Variants in PKHD1L1 observed in about 807,000 individuals in gnomAD.
PKHD1L1 encodes fibrocystin-L.
Under a neutral mutation model 462.9 loss-of-function variants are expected in PKHD1L1, and 434 were observed. The ratio of observed to expected loss-of-function variants is 0.94; its 90% confidence interval spans 0.87 to 1.02. PKHD1L1 has a LOEUF of 1.02. Ranked by LOEUF, PKHD1L1 falls within the 50% of genes least tolerant of loss-of-function variation. The pLI is 0.00. For synonymous variants in PKHD1L1, 1,781 were observed against 1,750.0 expected (o/e 1.02, Z -0.44); for missense variants, 5,202 against 5,096.1 (o/e 1.02, Z -0.63).
chr8:109,444,725 T>C lies in PKHD1L1; in HGVS notation c.4856T>C (p.Ile1619Thr), dbSNP rs748372724. ...AGTGAGGATTCAATTACATGTCATA[T>C]TGACCCTCAAAACTCAATGGATGTT... The part of the protein sequence containing the change: ...ESSEDSITCH[I>T]DPQNSMDVGI... The change falls in exon 38 of 78, where the codon ATT becomes ACT. Residue 1619 changes from isoleucine to threonine, a missense_variant. This residue lies in a region of PKHD1L1 where 4,497 missense variants were observed against 4,336.8 expected (regional missense o/e 1.04). Coordinates refer to ENST00000378402, the MANE Select transcript of PKHD1L1 (RefSeq NM_177531.6). 4 of 1,613,974 alleles carry C rather than the reference T, an allele frequency of 2.5e-6. No homozygotes were observed. The highest frequency in any genetic ancestry group is 3.4e-6 in the Non-Finnish European group (4 of 1,179,840).
chr8:109,501,864 T>C (rs151287598), intron 67 of PKHD1L1, among the ~76,000 whole-genome samples: 2 of 152,262 alleles, frequency 1.3e-5, no homozygotes, highest in Non-Finnish European at 2.9e-5. Flanking sequence ...CATTTTGACA[T>C]GTCTATCCAC....
chr8:109,401,827 T>C (rs1187825471), intron 14 of PKHD1L1, among the ~76,000 whole-genome samples: 1 of 152,132 alleles, frequency 6.6e-6, no homozygotes, highest in Non-Finnish European at 1.5e-5. Flanking sequence ...AATTATACTT[T>C]TGTGAAATGT....
At position 109,420,766 on chromosome 8, in the gene PKHD1L1, T is replaced by C. The variant is rs1193758830; in HGVS notation, c.2697+76T>C. ...TTTTTTTAAATAACCAACATACAGA[T>C]GGAATATTTTAACAGGAAAAGACAG... On this transcript the variant is annotated intron_variant, in intron 23 of 77. Coordinates refer to ENST00000378402, the MANE Select transcript of PKHD1L1 (RefSeq NM_177531.6). 3 of 1,128,594 alleles carry C rather than the reference T, an allele frequency of 2.7e-6. No homozygotes were observed. In the African/African-American group the frequency reaches 4.9e-5, roughly 18 times the overall value. The allele number at this position is 1,128,594 out of a possible 1,614,324, so 69.9% of individuals were successfully genotyped here. A position where few individuals can be genotyped will look rare whatever the true frequency, so the allele number is the denominator to read the frequency against.
rs1306462585 is a variant in PKHD1L1, at chr8:109,533,503, C to T, written c.*3413C>T. ...TAGAATTATTGGCTGGGCACTGGGC[C>T]ACCTAGAACAAAGACAATTTCCCAG... On this transcript the variant is annotated 3_prime_UTR_variant, in exon 78 of 78. Coordinates refer to ENST00000378402, the MANE Select transcript of PKHD1L1 (RefSeq NM_177531.6). Among the ~76,000 whole-genome samples the T allele has an allele frequency of 2.0e-5, 3 of 152,180 alleles. No homozygotes were observed. The highest frequency in any genetic ancestry group is 7.2e-5 in the African/African-American group (3 of 41,442).
Position 109,493,671 on chromosome 8 carries a change from G to T in PKHD1L1, c.10247G>T (p.Gly3416Val), listed in dbSNP as rs377202677. The stretch of plus-strand genomic sequence containing the variant: ...TAATCATTGCACTAGATAAATAGAG[G>T]GACCAATACAGTTTTACAGAATAAT... ...LWHAAIEINR[G>V]TNTVLQNNVV... is the part of the protein sequence containing the mutation. Residue 3416 changes from glycine to valine, a missense_variant, in exon 63 of 78, where the codon GGG (glycine) becomes GTG (valine). Transcript: ENST00000378402. The T allele has an allele frequency of 3.1e-6, 5 of 1,598,380 alleles. No individual in the cohort carries two copies. The highest frequency in any genetic ancestry group is 1.7e-5 in the Admixed American group (1 of 57,784).
At chr8:109,432,196 CT>C (rs1343155145) in intron 27 of PKHD1L1, among the ~76,000 whole-genome samples, 1 of 151,934 alleles carries the variant, frequency 6.6e-6, no homozygotes, top group Non-Finnish European at 1.5e-5. Context: ...TTTACCAATC[CT>C]TTGCACATGG....
Position 109,443,109 on chromosome 8 carries a change from T to A in PKHD1L1, c.4557T>A (p.Tyr1519Ter). The part of the protein sequence containing the change: ...HLFVGRSEAT[Y>*]AYGGPENLHL... ...TTGTGGGTCGCTCTGAAGCCACATA[T>A]GCTTATGGTAAGATGGTTAAAGATG... Residue 1519 changes from tyrosine to a stop codon, truncating the protein, a stop_gained, in exon 36 of 78, where the codon TAT (tyrosine) becomes TAA (stop). Transcript: ENST00000378402. LOFTEE classifies it high-confidence loss of function. The A allele has an allele frequency of 6.2e-7, 1 of 1,613,194 alleles. No homozygotes were observed. Among genetic ancestry groups the A allele is most frequent in the Non-Finnish European group, 8.5e-7 (1 of 1,179,372 alleles).
Position 109,504,445 on chromosome 8 carries a change from T to C in PKHD1L1, c.10947T>C (p.Val3649=). 6.4e-7 allele frequency: 1 copy of C among 1,556,996 alleles called. No homozygotes were observed. The highest frequency in any genetic ancestry group is 8.7e-7 in the Non-Finnish European group (1 of 1,143,912). Residue 3649 remains valine, a synonymous_variant, in exon 68 of 78, where the codon GTT becomes GTC. Coordinates refer to ENST00000378402, the MANE Select transcript of PKHD1L1 (RefSeq NM_177531.6). ...HPIHVKNIKL[V]DTTEQSKIFI... is the part of the protein sequence containing the mutation. ...TCCATGTGAAGAATATAAAACTGGT[T>C]GATACCACTGAACAATCAAAAATAT...
rs776241929 is a variant in PKHD1L1, at chr8:109,475,239, T to G, written c.8727T>G (p.Ile2909Met). ...YFKGVDHITN[I>M]SYTSTFYGFK... ...AAGGTGTGGATCACATAACCAACAT[T>G]TCATATACATCGACATTCTATGGAT... Residue 2909 changes from isoleucine to methionine, a missense_variant, in exon 51 of 78, where the codon ATT becomes ATG. Physicochemically the swap from Ile to Met is conservative, Grantham distance 10. Around this residue, in one of 3 missense-constraint regions of PKHD1L1, gnomAD observed 4,497 missense variants for 4,336.8 expected, o/e 1.04. Transcript: ENST00000378402. 1.4e-5 allele frequency: 23 copies of G among 1,609,250 alleles called. No individual in the cohort carries two copies. The highest frequency in any genetic ancestry group is 1.9e-5 in the Non-Finnish European group (22 of 1,177,188).
chr8:109,384,799 T>A (rs910825491), intron 5 of PKHD1L1, among the ~76,000 whole-genome samples: 1 of 152,144 alleles, frequency 6.6e-6, no homozygotes, highest in African/African-American at 2.4e-5. Flanking sequence ...CTTTAATTTA[T>A]GTAATTAAAC....
rs542870853 is a variant in PKHD1L1, at chr8:109,437,433, G to A, written c.3628-891G>A. ...ATGTATACATGTGCCATGTTGGTGT[G>A]CTGCACCCATTAACTTGTCATTTAA... On this transcript the variant is annotated intron_variant, in intron 30 of 77. Transcript: ENST00000378402. Among the ~76,000 whole-genome samples the A allele has an allele frequency of 4.6e-5, 7 of 151,694 alleles. No individual in the cohort carries two copies. The South Asian group carries it at 1.5e-3, about 32-fold the overall frequency.
At chr8:109,521,815 C>T (rs1291960110) in intron 73 of PKHD1L1, among the ~76,000 whole-genome samples, 1 of 152,092 alleles carries the variant, frequency 6.6e-6, no homozygotes, top group Non-Finnish European at 1.5e-5. Flanking sequence ...AAAATTAACA[C>T]TTTATTTTTT....
intron 19 of PKHD1L1, 107 bp from the exon 20 acceptor site, chr8:109,412,158 G>C: frequency 1.9e-6 from 2 of 1,064,080 alleles, no homozygotes; most frequent in South Asian, 1.9e-5. Flanking sequence ...AAGTAATCAG[G>C]GAAACAATGG....
rs1185637409 is a variant in PKHD1L1, at chr8:109,495,697, A to G, written c.10328-1222A>G. 2.0e-5 allele frequency among the ~76,000 whole-genome samples: 3 copies of G among 152,162 alleles called. No homozygotes were observed. The East Asian group carries it at 5.8e-4, about 29-fold the overall frequency. On this transcript the variant is annotated intron_variant, in intron 63 of 77. Coordinates refer to ENST00000378402, the MANE Select transcript of PKHD1L1 (RefSeq NM_177531.6). ...ATGCAGGAAAATTATCAAAACCAGG[A>G]AAATCATAAATAAAATGTAAAACCC...
intron 50 of PKHD1L1, chr8:109,470,909 T>C: frequency 6.3e-7 from 1 of 1,585,342 alleles, no homozygotes; most frequent in Non-Finnish European, 8.6e-7. Context: ...ATGGGAAGCC[T>C]GGGGAGAGAG....
chr8:109,398,403 G>A, intron 11 of PKHD1L1, 56 bp from the exon 12 acceptor site: 1 of 1,098,642 alleles, frequency 9.1e-7, no homozygotes, highest in Non-Finnish European at 1.4e-6. Flanking sequence ...ATACACTGAT[G>A]TGATTTGCAT....
At chr8:109,389,499 AGTGTGT>A (rs55680302) in intron 8 of PKHD1L1, among the ~76,000 whole-genome samples, 13,005 of 140,734 alleles carry the variant, frequency 0.092, 947 homozygotes, top group African/African-American at 0.2. Context: ...ATCTTTTAAG[AGTGTGT>A]GTGTGTGTGT....
At chr8:109,364,717 A>G (rs1811147323) in intron 2 of PKHD1L1, 81 bp downstream of exon 2, 1 of 874,646 alleles carries the variant, frequency 1.1e-6, no homozygotes, top group Non-Finnish European at 1.7e-6. Flanking sequence ...TTTATGGACA[A>G]ACAAACAAAC....
intron 2 of PKHD1L1, among the ~76,000 whole-genome samples, chr8:109,367,136 G>A (rs966981751): frequency 6.6e-6 from 1 of 152,030 alleles, no homozygotes; most frequent in African/African-American, 2.4e-5. Context: ...TAGGCTTTTG[G>A]GTGCCCATAA....
Sources: allele counts gnomAD v4.1 joint callset (sites outside exome capture counted in the v4.1 genomes callset), GRCh38; gene constraint gnomAD v4.1.1; regional missense constraint gnomAD v4.1.1; transcripts MANE v1.5; gene names NCBI Gene and HGNC (gene_info 2026-07-23, HGNC 2026-07-21).